Variants in DACH2 observed in about 807,000 individuals in gnomAD.
DACH2 encodes the protein dachshund family transcription factor 2, also known as dachshund homolog 2.
DACH2 carries 17 observed loss-of-function variants against 35.8 expected under a neutral mutation model. The ratio of observed to expected loss-of-function variants is 0.48; its 90% CI spans 0.33 to 0.71. The LOEUF is 0.71. DACH2 is among the 30% of genes least tolerant of loss of function. DACH2 has a pLI of 0.02. For synonymous variants in DACH2, 195 were observed against 177.3 expected (o/e 1.10, Z -0.79); for missense variants, 469 against 472.7 (o/e 0.99, Z 0.07).
intron 3 of DACH2, among the ~76,000 whole-genome samples, chrX:86,549,173 G>C (rs5968941): frequency 0.19 from 21,094 of 110,845 alleles, 1,549 homozygotes; most frequent in East Asian, 0.28. Flanking sequence ...CATTTCTTTA[G>C]GTTAATGGCT....
In DACH2 at chrX:86,361,455, C is replaced by T. The variant is rs1435248786; in HGVS notation, c.489-15369C>T. ...GTATTTCATGACAGGATCTACCTTTCGAGCAATCCAGTGGTGTTTCAGTGT... is the reference window on the plus strand; with the variant it reads ...GTATTTCATGACAGGATCTACCTTTTGAGCAATCCAGTGGTGTTTCAGTGT... On this transcript the variant is annotated intron_variant, in intron 1 of 11. Transcript: ENST00000373125. Among the ~76,000 whole-genome samples the T allele has an allele frequency of 2.7e-5, 3 of 111,082 alleles. No homozygotes were observed. In the East Asian group the frequency reaches 8.5e-4, roughly 31 times the overall value.
intron 2 of DACH2, among the ~76,000 whole-genome samples, chrX:86,382,935 T>C (rs1341834800): frequency 1.8e-5 from 2 of 110,872 alleles, no homozygotes; most frequent in Non-Finnish European, 3.8e-5. Context: ...ATATTTAAGA[T>C]CTTTCATTGC....
At chrX:86,488,070 C>G (rs1052516748) in intron 2 of DACH2, among the ~76,000 whole-genome samples, 4 of 111,823 alleles carry the variant, frequency 3.6e-5, no homozygotes, top group Admixed American at 9.6e-5. Context: ...ATCACACTTT[C>G]TAGATCACAC....
chrX:86,360,030 T>G (rs1218883794), intron 1 of DACH2, among the ~76,000 whole-genome samples: 1 of 109,519 alleles, frequency 9.1e-6, no homozygotes, highest in East Asian at 2.9e-4. Context: ...CATACATGTG[T>G]GTCACCATGC....
chrX:86,694,189 G>T (rs1429479981), intron 4 of DACH2, among the ~76,000 whole-genome samples: 1 of 111,510 alleles, frequency 9.0e-6, no homozygotes, highest in Non-Finnish European at 1.9e-5. Flanking sequence ...GCAAATAGAT[G>T]AAGCTGCCTG....
At chrX:86,189,965 A>G (rs1219026931) in intron 1 of DACH2, among the ~76,000 whole-genome samples, 1 of 109,705 alleles carries the variant, frequency 9.1e-6, no homozygotes, top group Non-Finnish European at 1.9e-5. Context: ...GGAGTTTGGG[A>G]CCAGCCTGGC....
chrX:86,327,086 C>A (rs1235659024), intron 1 of DACH2, among the ~76,000 whole-genome samples: 2 of 111,747 alleles, frequency 1.8e-5, no homozygotes, highest in Non-Finnish European at 3.8e-5. Flanking sequence ...TACACCCACC[C>A]TGAGGGATAA....
intron 3 of DACH2, among the ~76,000 whole-genome samples, chrX:86,650,043 G>A (rs1203317462): frequency 9.1e-6 from 1 of 110,359 alleles, no homozygotes; most frequent in African/African-American, 3.3e-5. Flanking sequence ...ACTTTTTGGA[G>A]GACATCGTTG....
At chrX:86,725,886 A>G (rs973123805) in intron 6 of DACH2, among the ~76,000 whole-genome samples, 8 of 111,307 alleles carry the variant, frequency 7.2e-5, no homozygotes, top group African/African-American at 9.8e-5. Flanking sequence ...TTGGGTCAGT[A>G]TGACTTCAGA....
chrX:86,721,755 A>G (rs996402516), intron 6 of DACH2, among the ~76,000 whole-genome samples: 1 of 111,948 alleles, frequency 8.9e-6, no homozygotes. Flanking sequence ...TTTATAAAGA[A>G]AAGAGGTTTA....
intron 1 of DACH2, among the ~76,000 whole-genome samples, chrX:86,167,874 T>C (rs1602249119): frequency 8.9e-6 from 1 of 111,940 alleles, no homozygotes; most frequent in Admixed American, 9.5e-5. Context: ...TATTAATTTC[T>C]AGTTTTATTC....
chrX:86,455,373 G>A (rs776186103), intron 2 of DACH2, among the ~76,000 whole-genome samples: 6 of 111,394 alleles, frequency 5.4e-5, no homozygotes, highest in African/African-American at 2.0e-4. Context: ...TCCAAAGCTC[G>A]CAAAATAGAA....
chrX:86,661,107 C>T lies in DACH2; in HGVS notation c.772+9940C>T, dbSNP rs904318711. Among the ~76,000 whole-genome samples, 12 of 111,554 alleles carry T rather than the reference C, an allele frequency of 1.1e-4. 1 individual carries two copies. In the South Asian group the frequency reaches 1.1e-3, roughly 10 times the overall value. On this transcript the variant is annotated intron_variant, in intron 4 of 11. Coordinates refer to ENST00000373125, the MANE Select transcript of DACH2 (RefSeq NM_053281.3). ...TTGTGCCCTTATGGAAAGGTTTGGA[C>T]GTTCTGTAGTGTCCAAAGTGAAAAT...
At chrX:86,743,555 G>C (rs1253066323) in intron 7 of DACH2, among the ~76,000 whole-genome samples, 3 of 111,068 alleles carry the variant, frequency 2.7e-5, no homozygotes, top group Non-Finnish European at 5.7e-5. Context: ...ATAATATATA[G>C]AAAAAATATT....
intron 2 of DACH2, among the ~76,000 whole-genome samples, chrX:86,444,799 T>C (rs2037231272): frequency 9.0e-6 from 1 of 111,589 alleles, no homozygotes; most frequent in Admixed American, 9.6e-5. Flanking sequence ...TTTAATTCTT[T>C]TTCTAATGAA....
chrX:86,151,389 C>T (rs911550107), intron 1 of DACH2, among the ~76,000 whole-genome samples: 11 of 111,072 alleles, frequency 9.9e-5, no homozygotes, highest in Admixed American at 2.9e-4. Flanking sequence ...CTTTTCTTTA[C>T]GGGTATTTGG....
At chrX:86,161,326 C>A (rs144982623) in intron 1 of DACH2, 12,458 of 1,147,258 alleles carry the variant, frequency 0.011, 67 homozygotes, top group Non-Finnish European at 0.013. Context: ...ACAGCACAGT[C>A]AACCTGAGAT....
chrX:86,773,443 T>C (rs2042004776), intron 7 of DACH2, among the ~76,000 whole-genome samples: 1 of 112,022 alleles, frequency 8.9e-6, no homozygotes, highest in Admixed American at 9.5e-5. Flanking sequence ...TTATATATAA[T>C]GCATATACTT....
At chrX:86,742,291 ACT>A (rs755683645) in intron 7 of DACH2, among the ~76,000 whole-genome samples, 9 of 110,889 alleles carry the variant, frequency 8.1e-5, no homozygotes, top group African/African-American at 2.9e-4. Flanking sequence ...TAAATTATAA[ACT>A]CTGAAAATTA....
Sources: allele counts gnomAD v4.1 joint callset (sites outside exome capture counted in the v4.1 genomes callset), GRCh38; gene constraint gnomAD v4.1.1; transcripts MANE v1.5; gene names NCBI Gene and HGNC (gene_info 2026-07-23, HGNC 2026-07-21).